The following RABGGTB variants were observed in gnomAD, a reference collection of about 807,000 sequenced individuals.
RABGGTB encodes geranylgeranyl transferase type-2 subunit beta.
RABGGTB carries 20 observed loss-of-function variants against 44.5 expected under a neutral mutation model. That is an observed-to-expected ratio of 0.45 (90% CI 0.32 to 0.65). The LOEUF is 0.65. Ranked by LOEUF, RABGGTB falls within the 30% of genes least tolerant of loss-of-function variation. The pLI is 0.05. For synonymous variants in RABGGTB, 128 were observed against 136.7 expected (o/e 0.94, Z 0.44); for missense variants, 302 against 398.7 (o/e 0.76, Z 2.06).
Position 75,790,024 on chromosome 1 carries a change from AAAG to A in RABGGTB, c.387_389del (p.Glu129del), listed in dbSNP as rs1248510251. On this transcript the variant is annotated inframe_deletion, in exon 4 of 9. Transcript: ENST00000319942. ...TGTGGAATATGTTAAAGGTCTACAG[AAAG>A]AAGATGGTTCTTTTGCTGGAGATAT... The A allele has an allele frequency of 6.2e-7, 1 of 1,613,276 alleles. No individual in the cohort carries two copies. The highest frequency in any genetic ancestry group is 1.7e-5 in the Admixed American group (1 of 59,960).
intron 6 of RABGGTB, 189 bp downstream of exon 6, chr1:75,791,760 G>A (rs1188269472): frequency 9.1e-6 from 5 of 548,492 alleles, no homozygotes; most frequent in African/African-American, 5.8e-5. Context: ...TTTCTCTGTC[G>A]GTGGATTCGT....
chr1:75,790,379 G>C, intron 4 of RABGGTB: 1 of 1,186,176 alleles, frequency 8.4e-7, no homozygotes, highest in Non-Finnish European at 1.0e-6. Context: ...TTACAAACTT[G>C]CTGAATATTT....
At chr1:75,794,465 G>T in intron 8 of RABGGTB, 45 bp from the exon 9 acceptor site, 1 of 1,554,568 alleles carries the variant, frequency 6.4e-7, no homozygotes, top group African/African-American at 1.4e-5. Context: ...TGAAGTTAAA[G>T]AAGTTTTCAT....
In RABGGTB at chr1:75,794,804, T is replaced by G. The variant is rs952477829; in HGVS notation, c.*154T>G. The stretch of plus-strand genomic sequence containing the variant: ...TTATATAATTATACATATTGTAAAA[T>G]AAAGACCGGTATTTTATTTTCTGCT... On this transcript the variant is annotated 3_prime_UTR_variant, in exon 9 of 9. Transcript: ENST00000319942. 9 of 471,090 alleles carry G rather than the reference T, an allele frequency of 1.9e-5. No individual in the cohort carries two copies. The highest frequency in any genetic ancestry group is 2.5e-5 in the Non-Finnish European group (8 of 324,528). The allele number at this position is 471,090 out of a possible 1,614,324, so 29.2% of individuals were successfully genotyped here.
At position 75,794,671 on chromosome 1, in the gene RABGGTB, C is replaced by G. The variant is rs754489692; in HGVS notation, c.*21C>G. ...GCTAGATTCATTGAATTGAAAGTTGCATAGTATAGTTTTGCCATTTTAACA... is the reference window on the plus strand; with the variant it reads ...GCTAGATTCATTGAATTGAAAGTTGGATAGTATAGTTTTGCCATTTTAACA... On this transcript the variant is annotated 3_prime_UTR_variant, in exon 9 of 9. Transcript: ENST00000319942. 5.5e-5 allele frequency: 86 copies of G among 1,566,928 alleles called. No individual in the cohort carries two copies. The highest frequency in any genetic ancestry group is 7.4e-5 in the Non-Finnish European group (85 of 1,154,002).
intron 7 of RABGGTB, among the ~76,000 whole-genome samples, chr1:75,792,915 G>A (rs991039080): frequency 6.6e-6 from 1 of 152,064 alleles, no homozygotes; most frequent in African/African-American, 2.4e-5. Flanking sequence ...TGCAACCTCC[G>A]CCTCCCAGGT....
chr1:75,787,437 G>A, intron 1 of RABGGTB, 60 bp from the exon 2 acceptor site: 1 of 1,236,034 alleles, frequency 8.1e-7, no homozygotes, highest in East Asian at 2.3e-5. Context: ...AATCTATGCT[G>A]TGGGGCAGAA....
At chr1:75,789,657 T>C (rs1649598328) in intron 3 of RABGGTB, 2 of 601,362 alleles carry the variant, frequency 3.3e-6, no homozygotes, top group South Asian at 3.7e-5. Context: ...AAAGTCTTTC[T>C]GGTACTACTG....
rs542976308 is a variant in RABGGTB, at chr1:75,786,390, C to T, written c.3+116C>T. ...TCCTGGTGCTGGAGAATGGTTAGGA[C>T]ACAGGCCTTGGAAGGTTTTTTGAGT... is the stretch of plus-strand genomic sequence containing the variant. On this transcript the variant is annotated intron_variant, in intron 1 of 8. Transcript: ENST00000319942. 2.4e-4 allele frequency: 344 copies of T among 1,437,466 alleles called. 5 individuals carry two copies. In the South Asian group the frequency reaches 3.8e-3, roughly 16 times the overall value. 89.0% of individuals were successfully genotyped at this position (1,437,466 alleles called of 1,614,324 possible).
In RABGGTB at chr1:75,789,147, G is replaced by A; in HGVS notation, c.112-12G>A. 6.2e-7 allele frequency: 1 copy of A among 1,609,304 alleles called. No homozygotes were observed. Among genetic ancestry groups the A allele is most frequent in the Non-Finnish European group, 8.5e-7 (1 of 1,175,850 alleles). ...TCAAATGACAGATTTAAGAAATTGT[G>A]TATTATTTTAGGAATACTGTATGTC... is the stretch of plus-strand genomic sequence containing the variant. On this transcript the variant is annotated splice_polypyrimidine_tract_variant and intron_variant, in intron 2 of 8. Coordinates refer to ENST00000319942, the MANE Select transcript of RABGGTB (RefSeq NM_004582.4).
At chr1:75,792,686 GTC>G (rs56906134) in intron 7 of RABGGTB, among the ~76,000 whole-genome samples, 4,403 of 152,226 alleles carry the variant, frequency 0.029, 84 homozygotes, top group Non-Finnish European at 0.049. Flanking sequence ...CACATAATAG[GTC>G]TCTCTTATCA....
chr1:75,791,643 A>G (rs904033676), intron 6 of RABGGTB, 72 bp downstream of exon 6: 27 of 1,328,512 alleles, frequency 2.0e-5, no homozygotes, highest in Non-Finnish European at 2.9e-5. Context: ...AAAATTGGTT[A>G]TTTCAGTGTT....
At chr1:75,792,398 A>G in intron 7 of RABGGTB, 92 bp downstream of exon 7, 1 of 1,528,782 alleles carries the variant, frequency 6.5e-7, no homozygotes, top group South Asian at 1.2e-5. Context: ...TAAATTGGCC[A>G]TGAGCTTATT....
intron 7 of RABGGTB, 114 bp downstream of exon 7, chr1:75,792,420 C>T (rs1037653210): frequency 3.2e-5 from 46 of 1,420,708 alleles, no homozygotes; most frequent in Non-Finnish European, 4.2e-5. Context: ...ATTACCTTTC[C>T]CTGTTGTGAA....
chr1:75,793,975 A>G (rs1649709377), intron 7 of RABGGTB, 109 bp from the exon 8 acceptor site: 1 of 1,138,904 alleles, frequency 8.8e-7, no homozygotes, highest in Non-Finnish European at 1.2e-6. Flanking sequence ...ATGGTTTGAC[A>G]CTTTGAACAT....
intron 5 of RABGGTB, 58 bp from the exon 6 acceptor site, chr1:75,791,403 T>TG (rs397794698): frequency 1.3e-6 from 2 of 1,559,636 alleles, no homozygotes; most frequent in Non-Finnish European, 1.8e-6. Flanking sequence ...TTTTTTTTTT[T>TG]GAGTCTGATC....
At chr1:75,790,410 A>C in intron 4 of RABGGTB, 13 of 1,142,786 alleles carry the variant, frequency 1.1e-5, no homozygotes, top group Non-Finnish European at 1.4e-5. Context: ...AGGGAATAGA[A>C]TTTTATTTGA....
chr1:75,794,068 C>CT lies in RABGGTB; in HGVS notation c.706-10dup. On this transcript the variant is annotated splice_polypyrimidine_tract_variant and intron_variant, in intron 7 of 8. Transcript: ENST00000319942. Reference sequence around the variant, plus strand: ...ATAAAAGAGAATGAAATTGTGGCAACTTTTTTCCCTCCTAGTTACCAGATG... The same window carrying CT: ...ATAAAAGAGAATGAAATTGTGGCAACTTTTTTTCCCTCCTAGTTACCAGATG... 2 of 1,543,920 alleles carry CT rather than the reference C, an allele frequency of 1.3e-6. No individual in the cohort carries two copies. The highest frequency in any genetic ancestry group is 2.4e-5 in the South Asian group (2 of 82,326).
intron 4 of RABGGTB, 120 bp downstream of exon 4, chr1:75,790,177 G>A: frequency 6.7e-7 from 1 of 1,497,696 alleles, no homozygotes; most frequent in African/African-American, 1.4e-5. Flanking sequence ...TGGTCTAACT[G>A]GAGTTAATGG....
Sources: allele counts gnomAD v4.1 joint callset (sites outside exome capture counted in the v4.1 genomes callset), GRCh38; gene constraint gnomAD v4.1.1; transcripts MANE v1.5; gene names NCBI Gene and HGNC (gene_info 2026-07-23, HGNC 2026-07-21).